Variants in RARB observed in about 807,000 individuals in gnomAD.
The protein encoded by RARB is HBV-activated protein.
Under a neutral mutation model 51.9 loss-of-function variants are expected in RARB, and 17 were observed. The ratio of observed to expected loss-of-function variants is 0.33; its 90% CI spans 0.22 to 0.49. The LOEUF is 0.49. Among genes scored for constraint, RARB ranks in the 20% least tolerant of loss-of-function variants. The probability of loss-of-function intolerance (pLI) is 0.99; values close to 1 mark genes in which losing one functional copy is unlikely to be tolerated. For missense variants in RARB, 369 were observed against 550.8 expected, an observed-to-expected ratio of 0.67 and a Z score of 3.30; for synonymous variants, 215 against 195.4, an observed-to-expected ratio of 1.10 and a Z score of -0.84.
intron 5 of RARB, among the ~76,000 whole-genome samples, chr3:25,279,690 G>A (rs754059113): frequency 6.6e-6 from 1 of 152,044 alleles, no homozygotes; most frequent in Non-Finnish European, 1.5e-5. Flanking sequence ...TATGGTGGAT[G>A]GCCAGAGCCA....
chr3:25,384,643 C>T (rs571357965), intron 5 of RARB, among the ~76,000 whole-genome samples: 61 of 152,286 alleles, frequency 4.0e-4, no homozygotes, highest in Non-Finnish European at 7.5e-4. Flanking sequence ...ACATCCTCCT[C>T]ACCTGAGAAC....
intron 5 of RARB, among the ~76,000 whole-genome samples, chr3:25,355,765 T>C (rs1705714193): frequency 6.6e-6 from 1 of 152,122 alleles, no homozygotes; most frequent in Non-Finnish European, 1.5e-5. Context: ...AAAATAGTTT[T>C]AATGTAAGAA....
chr3:25,080,984 TATTA>T, intron 3 of RARB, among the ~76,000 whole-genome samples: 1 of 152,216 alleles, frequency 6.6e-6, no homozygotes, highest in East Asian at 1.9e-4. Flanking sequence ...CTTGCCTTTT[TATTA>T]ATTTCTGATC....
chr3:25,508,349 T>C (rs1029240010), intron 3 of RARB, among the ~76,000 whole-genome samples: 13 of 152,320 alleles, frequency 8.5e-5, no homozygotes, highest in African/African-American at 2.9e-4. Context: ...GATACTTCTG[T>C]GGGAGGATTT....
At chr3:24,974,265 T>A (rs1006425916) in intron 2 of RARB, among the ~76,000 whole-genome samples, 3 of 152,160 alleles carry the variant, frequency 2.0e-5, no homozygotes, top group African/African-American at 7.2e-5. Context: ...GAATTATTCT[T>A]GCATCCCTGG....
chr3:25,479,969 A>T (rs1185116157), intron 2 of RARB, among the ~76,000 whole-genome samples: 3 of 152,220 alleles, frequency 2.0e-5, no homozygotes, highest in African/African-American at 7.2e-5. Context: ...AATAATAAAT[A>T]AAAAACTTGG....
At chr3:24,922,165 G>A (rs1695229240) in intron 2 of RARB, among the ~76,000 whole-genome samples, 1 of 152,164 alleles carries the variant, frequency 6.6e-6, no homozygotes, top group African/African-American at 2.4e-5. Flanking sequence ...ACAAGCTGTA[G>A]CATTCAACCC....
rs533955933 is a variant in RARB at position 25,497,680 on chromosome 3, C to T, written c.307-3502C>T. Among the ~76,000 whole-genome samples the T allele has an allele frequency of 1.5e-4, 23 of 152,254 alleles. 1 individual carries two copies. In the South Asian group the frequency reaches 3.9e-3, roughly 26 times the overall value. ...GACCATGAGGAGCTTGCAGCCCAGG[C>T]GTTCAACTCCTAATCCAGGGCTCGA... On this transcript the variant is annotated intron_variant, in intron 2 of 7. Coordinates refer to ENST00000330688, the MANE Select transcript of RARB (RefSeq NM_000965.5).
At chr3:24,912,247 G>A (rs181781664) in intron 2 of RARB, among the ~76,000 whole-genome samples, 1 of 152,254 alleles carries the variant, frequency 6.6e-6, no homozygotes, top group East Asian at 1.9e-4. Context: ...TACAAGGTAC[G>A]AATCCTACTT....
At chr3:24,850,085 C>A (rs886446001) in intron 1 of RARB, among the ~76,000 whole-genome samples, 20 of 152,160 alleles carry the variant, frequency 1.3e-4, no homozygotes, top group African/African-American at 4.8e-4. Context: ...TGGAAGAAGG[C>A]TGAAGGGCAA....
intron 2 of RARB, among the ~76,000 whole-genome samples, chr3:24,948,836 C>T (rs1360429722): frequency 1.3e-5 from 2 of 152,190 alleles, no homozygotes; most frequent in South Asian, 4.1e-4. Context: ...CGTGCCTGCT[C>T]CCTTTTGCTT....
intron 5 of RARB, among the ~76,000 whole-genome samples, chr3:25,179,928 AC>A (rs1700829224): frequency 6.6e-6 from 1 of 152,170 alleles, no homozygotes; most frequent in Non-Finnish European, 1.5e-5. Flanking sequence ...TTTTGCACCA[AC>A]CTAATAATCC....
intron 5 of RARB, among the ~76,000 whole-genome samples, chr3:25,253,073 A>T (rs77824431): frequency 0.013 from 1,940 of 152,318 alleles, 23 homozygotes; most frequent in Middle Eastern, 0.02. Flanking sequence ...TCTTGATTAC[A>T]TGTGGGAGGT....
At chr3:25,011,739 G>T (rs1300939169) in intron 2 of RARB, among the ~76,000 whole-genome samples, 1 of 152,112 alleles carries the variant, frequency 6.6e-6, no homozygotes, top group East Asian at 1.9e-4. Context: ...CAATGTCAAA[G>T]AAGTTGGTGT....
chr3:24,910,427 G>A (rs1401295194), intron 2 of RARB, among the ~76,000 whole-genome samples: 1 of 152,036 alleles, frequency 6.6e-6, no homozygotes, highest in African/African-American at 2.4e-5. Context: ...AAAATAATTG[G>A]ATGACATGTT....
chr3:24,929,830 T>C (rs1559400257), intron 2 of RARB, among the ~76,000 whole-genome samples: 1 of 152,106 alleles, frequency 6.6e-6, no homozygotes, highest in African/African-American at 2.4e-5. Context: ...TTGAGTTGAC[T>C]CCTTAAAAAA....
chr3:25,186,681 T>G (rs1008210253), intron 5 of RARB, among the ~76,000 whole-genome samples: 1 of 152,034 alleles, frequency 6.6e-6, no homozygotes, highest in African/African-American at 2.4e-5. Context: ...AATGAAAAAC[T>G]CTTTAAGTGC....
rs183260171 is a variant in RARB at position 25,365,702 on chromosome 3, G to A, written c.179-95491G>A. On this transcript the variant is annotated intron_variant, in intron 5 of 11. Coordinates refer to the RARB transcript ENST00000383772. ...TTTTCGTGTCTGTTATCTGGGCTAG[G>A]ATAATTCAAAGGTTGAGATTGTGGA... 1.0e-3 allele frequency among the ~76,000 whole-genome samples: 156 copies of A among 152,318 alleles called. 1 individual carries two copies. The highest frequency in any genetic ancestry group is 1.8e-3 in the Non-Finnish European group (120 of 68,022).
intron 4 of RARB, among the ~76,000 whole-genome samples, chr3:25,571,213 C>T (rs1700697502): frequency 2.6e-5 from 4 of 152,236 alleles, no homozygotes; most frequent in Admixed American, 2.0e-4. Flanking sequence ...GACTTTGGCT[C>T]ACCTGGAAGC....
Sources: allele counts gnomAD v4.1 joint callset (sites outside exome capture counted in the v4.1 genomes callset), GRCh38; gene constraint gnomAD v4.1.1; transcripts MANE v1.5; gene names NCBI Gene and HGNC (gene_info 2026-07-23, HGNC 2026-07-21).